The following MDFIC variants were observed in gnomAD, a reference collection of about 807,000 sequenced individuals.
The protein encoded by MDFIC is MyoD family inhibitor domain containing.
Under a neutral mutation model 23.2 loss-of-function variants are expected in MDFIC, and 17 were observed. The ratio of observed to expected loss-of-function variants is 0.73; its 90% CI spans 0.50 to 1.10. The LOEUF (loss-of-function observed/expected upper bound fraction) is 1.10. MDFIC is among the 50% of genes least tolerant of loss of function. The pLI is 0.00. For synonymous variants in MDFIC, 120 were observed against 115.2 expected, an observed-to-expected ratio of 1.04 and a Z score of -0.27; for missense variants, 356 against 316.6, an observed-to-expected ratio of 1.12 and a Z score of -0.95.
chr7:114,944,631 T>C (rs1792609928), intron 3 of MDFIC, among the ~76,000 whole-genome samples: 1 of 152,238 alleles, frequency 6.6e-6, no homozygotes, highest in Admixed American at 6.5e-5. Flanking sequence ...TTTCCTTCTT[T>C]GGCCTTCCCC....
intron 2 of MDFIC, among the ~76,000 whole-genome samples, chr7:114,927,325 CT>C (rs10686214): frequency 1.1e-4 from 16 of 141,740 alleles, no homozygotes; most frequent in African/African-American, 1.3e-4. Context: ...AAAAACAGTC[CT>C]TTTTTTTTTT....
chr7:114,993,085 T>C (rs879993088), intron 4 of MDFIC, among the ~76,000 whole-genome samples: 2 of 152,230 alleles, frequency 1.3e-5, no homozygotes, highest in Non-Finnish European at 2.9e-5. Flanking sequence ...GTTGGGAGTG[T>C]GTATGTATCC....
intron 2 of MDFIC, among the ~76,000 whole-genome samples, chr7:114,927,048 A>G (rs1361080219): frequency 6.6e-6 from 1 of 152,126 alleles, no homozygotes; most frequent in African/African-American, 2.4e-5. Flanking sequence ...AGTGGAGATC[A>G]GGGACACTCC....
intron 4 of MDFIC, among the ~76,000 whole-genome samples, chr7:114,984,028 G>A (rs936562381): frequency 1.3e-5 from 2 of 152,110 alleles, no homozygotes; most frequent in East Asian, 3.9e-4. Flanking sequence ...CAGGTGCATG[G>A]TAAAATTGAG....
chr7:114,940,265 T>C (rs139978682), intron 2 of MDFIC, among the ~76,000 whole-genome samples: 277 of 152,368 alleles, frequency 1.8e-3, no homozygotes, highest in African/African-American at 6.5e-3. Context: ...GCCTCTGGAC[T>C]CGGTCCCAAG....
At chr7:114,969,105 A>G (rs1793156022) in intron 3 of MDFIC, among the ~76,000 whole-genome samples, 2 of 152,198 alleles carry the variant, frequency 1.3e-5, no homozygotes, top group South Asian at 4.1e-4. Flanking sequence ...AGTATTTTAG[A>G]TGCATTTCTC....
rs62470671 is a variant in MDFIC, at chr7:115,019,294, G to T, written c.*3359G>T. The T allele has an allele frequency of 6.6e-6, 1 of 151,836 alleles. No homozygotes were observed. The highest frequency in any genetic ancestry group is 1.5e-5 in the Non-Finnish European group (1 of 67,874). The allele number at this position is 151,836 out of a possible 1,614,324, so 9.4% of individuals were successfully genotyped here. ...ACAGTATGACTTTATTTAGGAGAAG[G>T]CTTTTTATTTAGAAAATTATTTTTT... On this transcript the variant is annotated 3_prime_UTR_variant, in exon 5 of 5. Transcript: ENST00000393486.
rs1013671338 is a variant in MDFIC at position 115,018,654 on chromosome 7, C to G, written c.*2719C>G. On this transcript the variant is annotated 3_prime_UTR_variant, in exon 5 of 5. Coordinates refer to ENST00000393486, the MANE Select transcript of MDFIC (RefSeq NM_001166345.3). ...AAGTGCTAGAATTTATAGTTACAGG[C>G]GGTGTCCTTTTAAATGTGGAAAGGC... 6.6e-6 allele frequency: 1 copy of G among 152,398 alleles called. No individual in the cohort carries two copies. The highest frequency in any genetic ancestry group is 1.5e-5 in the Non-Finnish European group (1 of 67,814). 9.4% of individuals were successfully genotyped at this position (152,398 alleles called of 1,614,324 possible).
chr7:114,929,373 G>A (rs942490089), intron 2 of MDFIC, among the ~76,000 whole-genome samples: 3 of 152,120 alleles, frequency 2.0e-5, no homozygotes, highest in Non-Finnish European at 4.4e-5. Flanking sequence ...CCAAAGTTCT[G>A]GGATTACAGG....
chr7:114,997,256 G>A (rs556638774), intron 4 of MDFIC, among the ~76,000 whole-genome samples: 72 of 152,176 alleles, frequency 4.7e-4, no homozygotes, highest in Non-Finnish European at 9.1e-4. Context: ...AATGTTTTTA[G>A]AATGGGGTAC....
chr7:115,004,708 A>G (rs895851757), intron 4 of MDFIC, among the ~76,000 whole-genome samples: 4 of 152,244 alleles, frequency 2.6e-5, no homozygotes, highest in Non-Finnish European at 5.9e-5. Context: ...CTGGTTAGGA[A>G]TGAAGACTGT....
intron 3 of MDFIC, among the ~76,000 whole-genome samples, chr7:114,969,599 G>A (rs906128019): frequency 6.6e-6 from 1 of 152,104 alleles, no homozygotes; most frequent in African/African-American, 2.4e-5. Context: ...AGTAAATTGA[G>A]GTCCCAGACG....
chr7:114,938,839 A>G (rs955891377), intron 2 of MDFIC, among the ~76,000 whole-genome samples: 2 of 152,202 alleles, frequency 1.3e-5, no homozygotes, highest in African/African-American at 4.8e-5. Flanking sequence ...TCCATTATCC[A>G]GAGTGAAATT....
At chr7:114,929,248 A>C (rs1792262092) in intron 2 of MDFIC, among the ~76,000 whole-genome samples, 1 of 152,128 alleles carries the variant, frequency 6.6e-6, no homozygotes, top group South Asian at 2.1e-4. Context: ...CTGGGACTAC[A>C]GGCGTGTGCC....
At chr7:114,995,144 A>G (rs1204932428) in intron 4 of MDFIC, among the ~76,000 whole-genome samples, 1 of 152,216 alleles carries the variant, frequency 6.6e-6, no homozygotes, top group African/African-American at 2.4e-5. Context: ...CGAATCGGCT[A>G]CTGAAGCTTG....
intron 3 of MDFIC, among the ~76,000 whole-genome samples, chr7:114,972,806 C>T (rs1248827916): frequency 6.6e-6 from 1 of 151,748 alleles, no homozygotes; most frequent in East Asian, 1.9e-4. Flanking sequence ...TTTGTAGAAA[C>T]AGAGTTTCAC....
At chr7:114,935,037 G>T (rs989363328) in intron 2 of MDFIC, among the ~76,000 whole-genome samples, 7 of 152,164 alleles carry the variant, frequency 4.6e-5, no homozygotes, top group Non-Finnish European at 1.0e-4. Context: ...AACATTAGCA[G>T]AATTTCCACA....
chr7:114,969,588 C>G (rs1793168269), intron 3 of MDFIC, among the ~76,000 whole-genome samples: 1 of 152,082 alleles, frequency 6.6e-6, no homozygotes, highest in Non-Finnish European at 1.5e-5. Flanking sequence ...GGGTTCATGT[C>G]AGTAAATTGA....
chr7:114,994,554 A>G (rs1791278382), intron 4 of MDFIC, among the ~76,000 whole-genome samples: 1 of 152,178 alleles, frequency 6.6e-6, no homozygotes, highest in African/African-American at 2.4e-5. Context: ...GGTGGTGACA[A>G]AATCTCTCAG....
Sources: allele counts gnomAD v4.1 joint callset (sites outside exome capture counted in the v4.1 genomes callset), GRCh38; gene constraint gnomAD v4.1.1; transcripts MANE v1.5; gene names NCBI Gene and HGNC (gene_info 2026-07-23, HGNC 2026-07-21).